STK11: variants seen among roughly 807,000 people sequenced by gnomAD.
STK11 encodes the protein serine/threonine-protein kinase STK11.
STK11 carries 8 observed loss-of-function variants against 47.3 expected under a neutral mutation model. That is an observed-to-expected ratio of 0.17 (90% confidence interval 0.10 to 0.31). The LOEUF (loss-of-function observed/expected upper bound fraction) is 0.31, where lower values mean the gene tolerates loss of function less well. Among genes scored for constraint, STK11 ranks in the 10% least tolerant of loss-of-function variants. The pLI is 1.00. For synonymous variants in STK11, 330 were observed against 255.8 expected, an observed-to-expected ratio of 1.29 and a Z score of -2.77; for missense variants, 475 against 605.0, an observed-to-expected ratio of 0.79 and a Z score of 2.25.
rs775284754 is a variant in STK11 at position 1,212,273 on chromosome 19, CTTTTTTTTTT to C, written c.290+5088_290+5097del. On this transcript the variant is annotated intron_variant, in intron 1 of 9. Coordinates refer to ENST00000326873, the MANE Select transcript of STK11 (RefSeq NM_000455.5). ...AAACTGGACTCAATTTTCTTAACAC[CTTTTTTTTTT>C]TTTTTTTTTTTTTTTTTGGAGACAG... Among the ~76,000 whole-genome samples the C allele has an allele frequency of 5.3e-4, 48 of 89,850 alleles. 1 individual carries two copies. In the South Asian group the frequency reaches 8.3e-3, roughly 16 times the overall value. 58.9% of individuals were successfully genotyped at this position (89,850 alleles called of 152,430 possible).
intron 1 of STK11, among the ~76,000 whole-genome samples, chr19:1,209,011 G>A (rs1373037777): frequency 1.3e-5 from 2 of 152,136 alleles, no homozygotes; most frequent in Non-Finnish European, 2.9e-5. Flanking sequence ...GAGCAGTCAG[G>A]GTTAAATGGG....
At chr19:1,219,459 CA>C (rs769837743) in intron 3 of STK11, 46 bp downstream of exon 3, 75 of 1,534,276 alleles carry the variant, frequency 4.9e-5, no homozygotes, top group Middle Eastern at 2.1e-4. Flanking sequence ...GGCCGGGGGC[CA>C]GGCAGGGCAG....
intron 7 of STK11, among the ~76,000 whole-genome samples, chr19:1,222,623 G>C (rs1256875745): frequency 6.6e-6 from 1 of 151,102 alleles, no homozygotes; most frequent in African/African-American, 2.4e-5. Flanking sequence ...CTGGGCGCCT[G>C]GCGGGGACTG....
chr19:1,222,752 AC>A (rs767333641), intron 7 of STK11, among the ~76,000 whole-genome samples: 1 of 152,072 alleles, frequency 6.6e-6, no homozygotes, highest in Non-Finnish European at 1.5e-5. Context: ...TCTGAGTGCC[AC>A]CTGGGACACA....
chr19:1,208,257 G>A (rs1177959035), intron 1 of STK11, among the ~76,000 whole-genome samples: 1 of 151,476 alleles, frequency 6.6e-6, no homozygotes, highest in Non-Finnish European at 1.5e-5. Flanking sequence ...GGCTCCTGCC[G>A]TGTCTGCTCT....
At chr19:1,219,479 C>G in intron 3 of STK11, 66 bp downstream of exon 3, 1 of 1,493,062 alleles carries the variant, frequency 6.7e-7, no homozygotes, top group Non-Finnish European at 9.1e-7. Context: ...AGGCTCCTTT[C>G]CGTGAGGCCA....
chr19:1,222,130 G>A (rs2080789101), intron 7 of STK11, 124 bp downstream of exon 7: 17 of 1,169,464 alleles, frequency 1.5e-5, no homozygotes, highest in South Asian at 1.1e-4. Flanking sequence ...GCCAGACCCC[G>A]TGCAGCGCCC....
In STK11 at chr19:1,225,415, G is replaced by A. The variant is rs1478483803; in HGVS notation, c.1109-1039G>A. 9.0e-6 allele frequency: 7 copies of A among 781,270 alleles called. No homozygotes were observed. The African/African-American group carries it at 9.4e-5, about 10-fold the overall frequency. 48.4% of individuals were successfully genotyped at this position (781,270 alleles called of 1,614,324 possible). A position where few individuals can be genotyped will look rare whatever the true frequency, so the allele number is the denominator to read the frequency against. On this transcript the variant is annotated intron_variant, in intron 8 of 9. Transcript: ENST00000326873. ...CTCCTGAGTAGCTGGGATTACAAGTGCGCGCCAGCATGCCCGGCTAATTTT... is the reference window on the plus strand; with the variant it reads ...CTCCTGAGTAGCTGGGATTACAAGTACGCGCCAGCATGCCCGGCTAATTTT...
chr19:1,224,243 C>A, intron 8 of STK11: 1 of 985,238 alleles, frequency 1.0e-6, no homozygotes, highest in Non-Finnish European at 1.2e-6. Context: ...ATGTGGGGGC[C>A]CCCCAGGAGG....
intron 8 of STK11, chr19:1,226,133 C>T: frequency 1.7e-6 from 2 of 1,196,712 alleles, no homozygotes; most frequent in South Asian, 2.2e-5. Context: ...AGGGTCCTGC[C>T]TTGTCAGCTT....
chr19:1,227,752 CG>C lies in STK11; in HGVS notation c.*179del, dbSNP rs1599934032. The C allele has an allele frequency of 9.3e-7, 1 of 1,073,188 alleles. No individual in the cohort carries two copies. The highest frequency in any genetic ancestry group is 1.1e-6 in the Non-Finnish European group (1 of 884,128). The allele number at this position is 1,073,188 out of a possible 1,614,324, so 66.5% of individuals were successfully genotyped here. The stretch of plus-strand genomic sequence containing the variant: ...GGCCGGGCAGGGGGACAGCAGGGAC[CG>C]GGCGCAGCCCTCCCCCCTCGGCCGC... On this transcript the variant is annotated 3_prime_UTR_variant, in exon 10 of 10. Transcript: ENST00000326873.
Position 1,213,630 on chromosome 19 carries a change from T to C in STK11, c.291-4787T>C, listed in dbSNP as rs528149184. On this transcript the variant is annotated intron_variant, in intron 1 of 9. Transcript: ENST00000326873. ...CTCTGCTGTTCACGGCTGCGTCACT[T>C]TCCAGTGTGTGGAGGGCCACGCTGC... Among the ~76,000 whole-genome samples the C allele has an allele frequency of 3.3e-5, 5 of 152,364 alleles. No homozygotes were observed. In the East Asian group the frequency reaches 9.6e-4, roughly 29 times the overall value.
In STK11 at chr19:1,206,775, T is replaced by C. The variant is rs972832970; in HGVS notation, c.-139T>C. The C allele has an allele frequency of 3.5e-6, 4 of 1,142,450 alleles. No homozygotes were observed. 70.8% of individuals were successfully genotyped at this position (1,142,450 alleles called of 1,614,324 possible). ...TTCTGTTGGAAGAAGGGTTTTTCCC[T>C]TCCTTTTGGGGTTTTTGTTGCCTTT... On this transcript the variant is annotated 5_prime_UTR_variant, in exon 1 of 10. Transcript: ENST00000326873.
At position 1,208,158 on chromosome 19, in the gene STK11, C is replaced by G. The variant is rs986864840; in HGVS notation, c.290+955C>G. Among the ~76,000 whole-genome samples, 5 of 152,248 alleles carry G rather than the reference C, an allele frequency of 3.3e-5. No homozygotes were observed. In the East Asian group the frequency reaches 9.7e-4, roughly 30 times the overall value. On this transcript the variant is annotated intron_variant, in intron 1 of 9. Coordinates refer to ENST00000326873, the MANE Select transcript of STK11 (RefSeq NM_000455.5). ...GCCTCGAGGGACTGGCAAGGACACCCTGCGCAGGGCACCATGACCTTGGAA... is the reference window on the plus strand; with the variant it reads ...GCCTCGAGGGACTGGCAAGGACACCGTGCGCAGGGCACCATGACCTTGGAA...
intron 1 of STK11, among the ~76,000 whole-genome samples, chr19:1,208,281 C>T (rs1352264631): frequency 5.3e-5 from 8 of 151,256 alleles, no homozygotes; most frequent in African/African-American, 1.9e-4. Flanking sequence ...CTCTCTCCTG[C>T]TCAGGGGCCC....
At chr19:1,226,291 T>TG in intron 8 of STK11, 163 bp from the exon 9 acceptor site, 3 of 1,447,772 alleles carry the variant, frequency 2.1e-6, no homozygotes, top group East Asian at 2.6e-5. Context: ...CCAGAGCTGC[T>TG]GGGGGGCAGC....
intron 1 of STK11, among the ~76,000 whole-genome samples, chr19:1,211,738 T>C (rs1445532515): frequency 6.6e-6 from 1 of 152,250 alleles, no homozygotes; most frequent in East Asian, 1.9e-4. Context: ...ATCCGGGCTG[T>C]GGCTCTCCCA....
intron 8 of STK11, chr19:1,225,730 G>A (rs911142633): frequency 3.0e-6 from 3 of 985,536 alleles, no homozygotes; most frequent in African/African-American, 1.7e-5. Context: ...CACTGACTTC[G>A]CCCGGGAGGG....
In STK11 at chr19:1,227,725, A is replaced by G; in HGVS notation, c.*149A>G. The G allele has an allele frequency of 3.7e-6, 4 of 1,071,072 alleles. No individual in the cohort carries two copies. Among genetic ancestry groups the G allele is most frequent in the Non-Finnish European group, 4.5e-6 (4 of 882,906 alleles). 66.3% of individuals were successfully genotyped at this position (1,071,072 alleles called of 1,614,324 possible). ...CCCCAGGACCTCCGGAGCGCCCTGC[A>G]GGGCCGGGCAGGGGGACAGCAGGGA... On this transcript the variant is annotated 3_prime_UTR_variant, in exon 10 of 10. Coordinates refer to ENST00000326873, the MANE Select transcript of STK11 (RefSeq NM_000455.5).
Sources: gnomAD v4.1 joint callset for allele counts (sites outside exome capture counted in the v4.1 genomes callset) on GRCh38, gnomAD v4.1.1 for gene constraint, MANE v1.5 for transcripts, NCBI Gene and HGNC (gene_info 2026-07-23, HGNC 2026-07-21) for gene names.